Variants in MICAL2 observed in about 807,000 individuals in gnomAD.
MICAL2 encodes the protein microtubule associated monooxygenase, calponin and LIM domain containing 2.
MICAL2 carries 77 observed loss-of-function variants against 127.3 expected under a neutral mutation model. That is an observed-to-expected ratio of 0.60 (90% CI 0.50 to 0.73). The LOEUF is 0.73. Ranked by LOEUF, MICAL2 falls within the 30% of genes least tolerant of loss-of-function variation. The probability of loss-of-function intolerance (pLI) is 0.00; values close to 1 mark genes in which losing one functional copy is unlikely to be tolerated. For synonymous variants in MICAL2, 570 were observed against 551.1 expected (o/e 1.03, Z -0.48); for missense variants, 1,351 against 1,434.4 (o/e 0.94, Z 0.94).
chr11:12,153,919 T>G (rs1164339544), intron 2 of MICAL2, among the ~76,000 whole-genome samples: 3 of 152,210 alleles, frequency 2.0e-5, no homozygotes, highest in African/African-American at 7.2e-5. Flanking sequence ...TAAGATGAGC[T>G]CTGCATGTGG....
intron 2 of MICAL2, among the ~76,000 whole-genome samples, chr11:12,286,266 G>A (rs954344431): frequency 6.6e-6 from 1 of 152,158 alleles, no homozygotes; most frequent in Non-Finnish European, 1.5e-5. Flanking sequence ...AAGGGTTTGG[G>A]GGGCTCTGTG....
chr11:12,151,271 G>A (rs1445057097), intron 2 of MICAL2, among the ~76,000 whole-genome samples: 1 of 152,138 alleles, frequency 6.6e-6, no homozygotes, highest in African/African-American at 2.4e-5. Flanking sequence ...TTATTTCTGG[G>A]GGTCAGGCAA....
At chr11:12,297,495 A>G (rs1864000317) in intron 29 of MICAL2, among the ~76,000 whole-genome samples, 2 of 152,056 alleles carry the variant, frequency 1.3e-5, no homozygotes, top group African/African-American at 2.4e-5. Context: ...CTTTATTTAC[A>G]GTGGCTTTTC....
intron 2 of MICAL2, among the ~76,000 whole-genome samples, chr11:12,145,748 G>T (rs1036803374): frequency 6.6e-6 from 1 of 152,190 alleles, no homozygotes; most frequent in African/African-American, 2.4e-5. Context: ...GCTTATAAAG[G>T]CTGAATGCAG....
intron 15 of MICAL2, among the ~76,000 whole-genome samples, chr11:12,229,665 A>G (rs998677294): frequency 6.6e-6 from 1 of 152,246 alleles, no homozygotes; most frequent in African/African-American, 2.4e-5. Flanking sequence ...CCTGGCCAGC[A>G]CTGGCTTGGG....
chr11:12,180,344 T>TAC (rs1857296310), intron 3 of MICAL2, among the ~76,000 whole-genome samples: 1 of 132,970 alleles, frequency 7.5e-6, no homozygotes, highest in Non-Finnish European at 1.5e-5. Flanking sequence ...TGTATATATG[T>TAC]ATATATTTTT....
intron 4 of MICAL2, 146 bp downstream of exon 4, chr11:12,204,603 G>A (rs1015094987): frequency 1.1e-5 from 9 of 783,600 alleles, no homozygotes; most frequent in Admixed American, 2.8e-5. Flanking sequence ...CTAGTAAAAG[G>A]CCTGCTTTGT....
At chr11:12,129,470 C>A (rs1156546787) in intron 1 of MICAL2, among the ~76,000 whole-genome samples, 1 of 151,986 alleles carries the variant, frequency 6.6e-6, no homozygotes, top group Admixed American at 6.6e-5. Flanking sequence ...GAAACACGCA[C>A]CCCCCTTCCT....
At chr11:12,128,734 T>G (rs1437952989) in intron 1 of MICAL2, among the ~76,000 whole-genome samples, 1 of 152,222 alleles carries the variant, frequency 6.6e-6, no homozygotes, top group Non-Finnish European at 1.5e-5. Context: ...CTGAAACCCA[T>G]TTTGGTTTCC....
At chr11:12,352,956 T>A (rs759496151) in intron 33 of MICAL2, among the ~76,000 whole-genome samples, 4 of 152,194 alleles carry the variant, frequency 2.6e-5, no homozygotes, top group Non-Finnish European at 5.9e-5. Context: ...CTGCCCAGTC[T>A]GCATGACATG....
chr11:12,292,347 G>C (rs765820641), downstream of MICAL2: 6 of 1,590,344 alleles, frequency 3.8e-6, no homozygotes, highest in South Asian at 1.1e-5. Flanking sequence ...TAACCTACCT[G>C]TACTCTTCCC....
intron 30 of MICAL2, among the ~76,000 whole-genome samples, chr11:12,320,293 C>T (rs1472446822): frequency 6.6e-6 from 1 of 152,194 alleles, no homozygotes; most frequent in African/African-American, 2.4e-5. Context: ...GTGGAAGGGA[C>T]AAGCCCCGTG....
At chr11:12,330,692 G>A (rs1198821235) in intron 32 of MICAL2, among the ~76,000 whole-genome samples, 1 of 151,928 alleles carries the variant, frequency 6.6e-6, no homozygotes, top group Non-Finnish European at 1.5e-5. Flanking sequence ...CCCGGGAAGG[G>A]TTTTTCCCCA....
chr11:12,294,197 C>T (rs1590725410), downstream of MICAL2: 2 of 1,614,008 alleles, frequency 1.2e-6, no homozygotes, highest in Non-Finnish European at 1.7e-6. Flanking sequence ...CCCTGCGGAA[C>T]AAGCTCAAGG....
chr11:12,190,046 T>C (rs1348559016), intron 3 of MICAL2, among the ~76,000 whole-genome samples: 1 of 152,198 alleles, frequency 6.6e-6, no homozygotes, highest in Non-Finnish European at 1.5e-5. Context: ...TACAAACCAC[T>C]TTATGGTGTA....
chr11:12,282,283 C>T (rs1344645107), intron 2 of MICAL2, among the ~76,000 whole-genome samples: 4 of 152,152 alleles, frequency 2.6e-5, no homozygotes, highest in Non-Finnish European at 5.9e-5. Flanking sequence ...AGGCTCAGCA[C>T]TGGCACTGAA....
chr11:12,207,647 A>G (rs1046097080), intron 4 of MICAL2: 55 of 168,786 alleles, frequency 3.3e-4, no homozygotes, highest in Middle Eastern at 2.8e-3. Flanking sequence ...CCCAGAGCCC[A>G]GCTGGGGAAG....
At chr11:12,193,121 A>G (rs1215097153) in intron 3 of MICAL2, among the ~76,000 whole-genome samples, 3 of 152,184 alleles carry the variant, frequency 2.0e-5, no homozygotes, top group Non-Finnish European at 1.5e-5. Context: ...TCCTCTTTGC[A>G]GGCCTGAATT....
chr11:12,144,028 T>C (rs1293371788), intron 2 of MICAL2, among the ~76,000 whole-genome samples: 6 of 152,160 alleles, frequency 3.9e-5, no homozygotes, highest in African/African-American at 1.2e-4. Flanking sequence ...AATACCTTGC[T>C]GAGGTCTGCC....
Sources: allele counts gnomAD v4.1 joint callset (sites outside exome capture counted in the v4.1 genomes callset), GRCh38; gene constraint gnomAD v4.1.1; transcripts MANE v1.5; gene names NCBI Gene and HGNC (gene_info 2026-07-23, HGNC 2026-07-21).